RSPO1: variants seen among roughly 807,000 people sequenced by gnomAD.
The protein encoded by RSPO1 is R-spondin-1.
Under a neutral mutation model 26.0 loss-of-function variants are expected in RSPO1, and 18 were observed. That is an observed-to-expected ratio of 0.69 (90% CI 0.48 to 1.03). RSPO1 has a LOEUF of 1.03. Among genes scored for constraint, RSPO1 ranks in the 50% least tolerant of loss-of-function variants. RSPO1 has a pLI of 0.00. For synonymous variants in RSPO1, 133 were observed against 137.4 expected (o/e 0.97, Z 0.22); for missense variants, 309 against 352.3 (o/e 0.88, Z 0.98).
At chr1:37,619,389 C>T (rs1466028195) in intron 3 of RSPO1, among the ~76,000 whole-genome samples, 1 of 152,178 alleles carries the variant, frequency 6.6e-6, no homozygotes, top group Admixed American at 6.5e-5. Context: ...GCCAGATTCC[C>T]AGTCTGGGAA....
chr1:37,614,399 C>A (rs958383631), intron 4 of RSPO1, 66 bp from the exon 5 acceptor site: 2 of 1,576,556 alleles, frequency 1.3e-6, no homozygotes, highest in Non-Finnish European at 1.7e-6. Context: ...TCATCCCCAG[C>A]CCCAATACCC....
At chr1:37,618,802 G>A (rs1644156165) in intron 3 of RSPO1, among the ~76,000 whole-genome samples, 1 of 152,042 alleles carries the variant, frequency 6.6e-6, no homozygotes, top group Non-Finnish European at 1.5e-5. Flanking sequence ...CGAGTTGAGA[G>A]GGAAGGAGAG....
intron 3 of RSPO1, among the ~76,000 whole-genome samples, chr1:37,621,661 G>A (rs929978244): frequency 1.3e-5 from 2 of 152,050 alleles, no homozygotes; most frequent in African/African-American, 2.4e-5. Context: ...TTGAGTTTGC[G>A]GTTCCTGTGG....
In RSPO1 at chr1:37,629,895, A is replaced by C; in HGVS notation, c.-234T>G. The C allele has an allele frequency of 6.5e-7, 1 of 1,548,804 alleles. No individual in the cohort carries two copies. The highest frequency in any genetic ancestry group is 1.4e-5 in the African/African-American group (1 of 73,154). On this transcript the variant is annotated 5_prime_UTR_variant, in exon 3 of 7. Transcript: ENST00000356545. The stretch of plus-strand genomic sequence containing the variant: ...GAGACTTCCTCAAAGATACCTCGGA[A>C]TATCATATGAGAGATCTTTTTGTCA...
At position 37,634,601 on chromosome 1, in the gene RSPO1, G is replaced by A. The variant is rs918577889; in HGVS notation, c.-391C>T. 2 of 152,330 alleles carry A rather than the reference G, an allele frequency of 1.3e-5. No homozygotes were observed. Among genetic ancestry groups the A allele is most frequent in the Non-Finnish European group, 2.9e-5 (2 of 68,140 alleles). The allele number at this position is 152,330 out of a possible 1,614,324, so 9.4% of individuals were successfully genotyped here. ...CCAGTCGCGACGGGGGCAGGCCCGG[G>A]AGGGGCGAGGGCGCGGCCCGCTCAC... On this transcript the variant is annotated 5_prime_UTR_variant, in exon 1 of 7. Coordinates refer to ENST00000356545, the MANE Select transcript of RSPO1 (RefSeq NM_001242908.2). This position sits in a 1 kb window ranked among gnomAD's most constrained non-coding sequence, Gnocchi z 4.7.
At chr1:37,624,033 T>C (rs1052009364) in intron 3 of RSPO1, among the ~76,000 whole-genome samples, 4 of 152,154 alleles carry the variant, frequency 2.6e-5, no homozygotes, top group Admixed American at 6.5e-5. Context: ...GTTCTGGGAT[T>C]ACAGGCGTGA....
chr1:37,632,784 C>G (rs1233148380), intron 1 of RSPO1, among the ~76,000 whole-genome samples: 1 of 152,196 alleles, frequency 6.6e-6, no homozygotes, highest in Non-Finnish European at 1.5e-5. Context: ...GTCCCTGACC[C>G]CATATGCGCA....
In RSPO1 at chr1:37,612,600, G is replaced by T; in HGVS notation, c.*155C>A. On this transcript the variant is annotated 3_prime_UTR_variant, in exon 7 of 7. Transcript: ENST00000356545. ...GTATGTATGGTTGTATATGTGGACA[G>T]GGGTTTGAGCGTGTGTGTCTTGTGT... 1 of 785,610 alleles carries T rather than the reference G, an allele frequency of 1.3e-6. No individual in the cohort carries two copies. Among genetic ancestry groups the T allele is most frequent in the Non-Finnish European group, 2.2e-6 (1 of 456,500 alleles). The allele number at this position is 785,610 out of a possible 1,614,324, so 48.7% of individuals were successfully genotyped here.
In RSPO1 at chr1:37,629,636, G is replaced by A. The variant is rs1644327341; in HGVS notation, c.26C>T (p.Ala9Val). The A allele has an allele frequency of 6.2e-7, 1 of 1,614,064 alleles. No homozygotes were observed. The highest frequency in any genetic ancestry group is 1.3e-5 in the African/African-American group (1 of 75,000). MRLGLCVVALVLSWTHLTI... is the reference protein window; with the variant it reads MRLGLCVVVLVLSWTHLTI... ...GAGGTGCGTCCAGCTCAGAACCAGG[G>A]CCACCACACACAGCCCAAGCCGCAT... is the stretch of plus-strand genomic sequence containing the variant. The change falls in exon 3 of 7, where the codon GCC becomes GTC. Residue 9 changes from alanine (A) to valine (V), a missense_variant. Ala to Val is a moderately conservative substitution (Grantham distance 64). Transcript: ENST00000356545.
At chr1:37,626,993 C>T (rs1644286581) in intron 3 of RSPO1, among the ~76,000 whole-genome samples, 1 of 152,214 alleles carries the variant, frequency 6.6e-6, no homozygotes, top group Admixed American at 6.5e-5. Flanking sequence ...CTTCACCACT[C>T]ACAGCTAAAG....
chr1:37,625,830 C>T (rs911549068), intron 3 of RSPO1, among the ~76,000 whole-genome samples: 5 of 152,134 alleles, frequency 3.3e-5, no homozygotes, highest in African/African-American at 1.2e-4. Context: ...AGGTGCACAT[C>T]ACCACTCCTG....
intron 3 of RSPO1, among the ~76,000 whole-genome samples, chr1:37,628,371 C>T (rs1361794241): frequency 6.6e-6 from 1 of 152,224 alleles, no homozygotes; most frequent in Non-Finnish European, 1.5e-5. Context: ...TTCAGCTTCA[C>T]CAATTCTCTG....
intron 3 of RSPO1, among the ~76,000 whole-genome samples, chr1:37,624,976 G>T (rs1644255538): frequency 6.6e-6 from 1 of 152,110 alleles, no homozygotes. Flanking sequence ...CTTCTGCCCA[G>T]AACACTCTCC....
At chr1:37,626,260 C>T (rs778945164) in intron 3 of RSPO1, among the ~76,000 whole-genome samples, 1 of 152,158 alleles carries the variant, frequency 6.6e-6, no homozygotes, top group South Asian at 2.1e-4. Context: ...CTTCCTTGCT[C>T]GATCCCAGTA....
At chr1:37,633,747 C>T (rs1010531972) in intron 1 of RSPO1, among the ~76,000 whole-genome samples, 2 of 151,902 alleles carry the variant, frequency 1.3e-5, no homozygotes, top group Admixed American at 6.6e-5. Context: ...TGGGGCCGTG[C>T]CCCCCCTCCA....
At chr1:37,614,369 C>A (rs1267038097) in intron 4 of RSPO1, 36 bp from the exon 5 acceptor site, 3 of 1,612,372 alleles carry the variant, frequency 1.9e-6, no homozygotes, top group Non-Finnish European at 1.7e-6. Context: ...TCTGGCCCAG[C>A]CTGGTGAGAA....
rs977422436 is a variant in RSPO1, at chr1:37,630,211, G to A, written c.-288-262C>T. Among the ~76,000 whole-genome samples, 10 of 152,312 alleles carry A rather than the reference G, an allele frequency of 6.6e-5. No homozygotes were observed. In the South Asian group the frequency reaches 8.3e-4, roughly 13 times the overall value. ...GGATCACTGATGATTTCTCAATAAC[G>A]GGAGCCAGCTGGTCCCACCCCTGCT... is the stretch of plus-strand genomic sequence containing the variant. On this transcript the variant is annotated intron_variant, in intron 2 of 6. Coordinates refer to ENST00000356545, the MANE Select transcript of RSPO1 (RefSeq NM_001242908.2).
At chr1:37,621,029 CA>C (rs1644194259) in intron 3 of RSPO1, among the ~76,000 whole-genome samples, 1 of 152,174 alleles carries the variant, frequency 6.6e-6, no homozygotes, top group Admixed American at 6.5e-5. Flanking sequence ...AACAGGTTTG[CA>C]AAAGGCGCCC....
intron 3 of RSPO1, 109 bp from the exon 4 acceptor site, chr1:37,616,784 A>C: frequency 3.7e-6 from 4 of 1,074,486 alleles, no homozygotes; most frequent in Non-Finnish European, 5.7e-6. Flanking sequence ...CCACAGAAGG[A>C]ATATGCTTCT....
Sources: allele counts gnomAD v4.1 joint callset (sites outside exome capture counted in the v4.1 genomes callset), GRCh38; gene constraint gnomAD v4.1.1; non-coding constraint Gnocchi (gnomAD v3.1); transcripts MANE v1.5; gene names NCBI Gene and HGNC (gene_info 2026-07-23, HGNC 2026-07-21).